COLGALT2: variants seen among roughly 807,000 people sequenced by gnomAD.
COLGALT2 encodes the protein procollagen galactosyltransferase 2.
In COLGALT2, 49 loss-of-function variants were observed where a neutral mutation model predicts 73.4. The ratio of observed to expected loss-of-function variants is 0.67; its 90% CI spans 0.53 to 0.85. COLGALT2 has a LOEUF of 0.85. Ranked by LOEUF, COLGALT2 falls within the 40% of genes least tolerant of loss-of-function variation. The pLI, the probability that COLGALT2 is intolerant of heterozygous loss-of-function variation, is 0.00. For missense variants in COLGALT2, 722 were observed against 790.2 expected, an observed-to-expected ratio of 0.91 and a Z score of 1.03; for synonymous variants, 295 against 307.6, an observed-to-expected ratio of 0.96 and a Z score of 0.43.
chr1:183,957,281 C>A (rs1670578364), intron 6 of COLGALT2, among the ~76,000 whole-genome samples: 1 of 152,118 alleles, frequency 6.6e-6, no homozygotes, highest in South Asian at 2.1e-4. Context: ...AAATAACTTG[C>A]CCAAGATCAC....
At chr1:183,988,850 G>T (rs967872543) in intron 1 of COLGALT2, among the ~76,000 whole-genome samples, 1 of 152,036 alleles carries the variant, frequency 6.6e-6, no homozygotes, top group African/African-American at 2.4e-5. Context: ...CCTGAGTACG[G>T]CTGCTCAAAT....
At chr1:183,946,263 T>G (rs1670246561) in intron 8 of COLGALT2, 1 of 152,210 alleles carries the variant, frequency 6.6e-6, no homozygotes, top group Admixed American at 6.5e-5. Context: ...TTGAGAAGCA[T>G]TATCAGCTGA....
chr1:183,951,603 C>CA (rs1311388121), intron 7 of COLGALT2, among the ~76,000 whole-genome samples: 2 of 151,338 alleles, frequency 1.3e-5, no homozygotes, highest in African/African-American at 4.9e-5. Flanking sequence ...ATAGTAACTA[C>CA]AAAAAAATTT....
At position 183,954,750 on chromosome 1, in the gene COLGALT2, C is replaced by A; in HGVS notation, c.1029+12G>T. On this transcript the variant is annotated intron_variant, in intron 7 of 11. Coordinates refer to ENST00000361927, the MANE Select transcript of COLGALT2 (RefSeq NM_015101.4). ...GCGTGCATGTGCACACACATATAGA[C>A]ACCTTTCCTACCTCATCAAATCCCA... 6.2e-7 allele frequency: 1 copy of A among 1,601,182 alleles called. No homozygotes were observed. Among genetic ancestry groups the A allele is most frequent in the Non-Finnish European group, 8.6e-7 (1 of 1,168,570 alleles).
rs1669998472 is a variant in COLGALT2, at chr1:183,937,823, G to A, written c.*938C>T. The A allele has an allele frequency of 1.0e-6, 1 of 985,312 alleles. No individual in the cohort carries two copies. The highest frequency in any genetic ancestry group is 1.7e-5 in the African/African-American group (1 of 57,240). The allele number at this position is 985,312 out of a possible 1,614,324, so 61.0% of individuals were successfully genotyped here. On this transcript the variant is annotated 3_prime_UTR_variant, in exon 12 of 12. Transcript: ENST00000361927. Reference sequence around the variant, plus strand: ...AGGATAGTTGCTGGCCTGAAAATGTGCTCTGTCTCTTAGCAGTGACTCACA... The same window carrying A: ...AGGATAGTTGCTGGCCTGAAAATGTACTCTGTCTCTTAGCAGTGACTCACA...
At chr1:184,035,156 T>C (rs1057308948) in intron 1 of COLGALT2, among the ~76,000 whole-genome samples, 1 of 152,108 alleles carries the variant, frequency 6.6e-6, no homozygotes, top group Non-Finnish European at 1.5e-5. Flanking sequence ...CCAGTGTCCA[T>C]ACCATCTGGA....
chr1:183,947,764 G>C (rs1224418682), intron 8 of COLGALT2, among the ~76,000 whole-genome samples: 1 of 151,990 alleles, frequency 6.6e-6, no homozygotes, highest in African/African-American at 2.4e-5. Context: ...AAATGAACTA[G>C]AGAATAGAAA....
intron 1 of COLGALT2, among the ~76,000 whole-genome samples, chr1:183,994,007 C>T (rs1443647286): frequency 1.4e-5 from 2 of 144,504 alleles, no homozygotes; most frequent in Non-Finnish European, 3.0e-5. Context: ...ATAAGTCACA[C>T]TCATTTTCTC....
At chr1:184,024,046 G>C (rs1649255412) in intron 1 of COLGALT2, among the ~76,000 whole-genome samples, 1 of 152,046 alleles carries the variant, frequency 6.6e-6, no homozygotes, top group Admixed American at 6.6e-5. Context: ...TAAAAATAAA[G>C]GAAAAAAGCT....
In COLGALT2 at chr1:183,944,067, T is replaced by C. The variant is rs187233219; in HGVS notation, c.1397+129A>G. 33 of 1,123,526 alleles carry C rather than the reference T, an allele frequency of 2.9e-5. No homozygotes were observed. The African/African-American group carries it at 3.5e-4, about 12-fold the overall frequency. The allele number at this position is 1,123,526 out of a possible 1,614,324, so 69.6% of individuals were successfully genotyped here. A position where few individuals can be genotyped will look rare whatever the true frequency, so the allele number is the denominator to read the frequency against. On this transcript the variant is annotated intron_variant, in intron 10 of 11. Coordinates refer to ENST00000361927, the MANE Select transcript of COLGALT2 (RefSeq NM_015101.4). ...CCATTTTTATTTCTGAGAACATTTA[T>C]GGAAAGAAAACTAGATAAGTGGAAG...
chr1:183,945,571 C>T lies in COLGALT2; in HGVS notation c.1137-7G>A. 1 of 1,613,750 alleles carries T rather than the reference C, an allele frequency of 6.2e-7. No individual in the cohort carries two copies. The highest frequency in any genetic ancestry group is 1.1e-5 in the South Asian group (1 of 91,012). On this transcript the variant is annotated splice_polypyrimidine_tract_variant and splice_region_variant and intron_variant, in intron 8 of 11. Transcript: ENST00000361927. ...CTGGCTTGTGTTGAGTGCCCTGCAT[C>T]ACATAAAACACGTCTGGAGATTAAC...
At position 183,975,161 on chromosome 1, in the gene COLGALT2, T is replaced by C. The variant is rs755823101; in HGVS notation, c.428A>G (p.His143Arg). Residue 143 changes from histidine (H) to arginine (R), a missense_variant, in exon 3 of 12, where the codon CAT (histidine) becomes CGT (arginine). Physicochemically the swap from His to Arg is conservative, Grantham distance 29 (BLOSUM62 0). Transcript: ENST00000361927. ...PKHWPTSRFAHVMKLRQAALR... is the reference protein window; with the variant it reads ...PKHWPTSRFARVMKLRQAALR... ...GGCTGCCTGTCGTAGTTTCATCACA[T>C]GGGCAAACCGGGAGGTTGGCCAGTG... 3 of 1,614,168 alleles carry C rather than the reference T, an allele frequency of 1.9e-6. No individual in the cohort carries two copies. Among genetic ancestry groups the C allele is most frequent in the Non-Finnish European group, 1.7e-6 (2 of 1,180,020 alleles).
intron 4 of COLGALT2, among the ~76,000 whole-genome samples, chr1:183,970,258 A>C (rs1300447819): frequency 6.6e-6 from 1 of 152,226 alleles, no homozygotes; most frequent in Non-Finnish European, 1.5e-5. Context: ...ATTTCCAGAA[A>C]AGATGAAGAT....
At chr1:183,945,593 T>G (rs1348206350) in intron 8 of COLGALT2, 29 bp from the exon 9 acceptor site, 1 of 1,612,208 alleles carries the variant, frequency 6.2e-7, no homozygotes, top group South Asian at 1.1e-5. Flanking sequence ...GTCTGGAGAT[T>G]AACAAGTCAA....
intron 1 of COLGALT2, among the ~76,000 whole-genome samples, chr1:184,024,874 T>C (rs777681264): frequency 6.6e-6 from 1 of 152,174 alleles, no homozygotes; most frequent in Non-Finnish European, 1.5e-5. Context: ...TTTGATAAGA[T>C]GCATGGGAAA....
chr1:183,966,156 T>A (rs1393315520), intron 5 of COLGALT2, among the ~76,000 whole-genome samples: 1 of 152,194 alleles, frequency 6.6e-6, no homozygotes, highest in East Asian at 1.9e-4. Context: ...CATGGGGAAC[T>A]ATATGAATAC....
chr1:184,003,719 C>A (rs2102840947), intron 1 of COLGALT2, among the ~76,000 whole-genome samples: 1 of 152,280 alleles, frequency 6.6e-6, no homozygotes, highest in East Asian at 1.9e-4. Flanking sequence ...AGTTATTCTT[C>A]ACTGTTTGCT....
downstream of COLGALT2, among the ~76,000 whole-genome samples, chr1:183,932,244 C>T (rs1323255839): frequency 6.6e-6 from 1 of 152,118 alleles, no homozygotes; most frequent in Non-Finnish European, 1.5e-5. Flanking sequence ...GGTCTGACTC[C>T]CAGGCCACTT....
In COLGALT2 at chr1:183,936,920, G is replaced by C. The variant is rs1007438765; in HGVS notation, c.*1841C>G. 1.2e-5 allele frequency: 15 copies of C among 1,231,674 alleles called. No individual in the cohort carries two copies. Among genetic ancestry groups the C allele is most frequent in the Non-Finnish European group, 1.0e-5 (10 of 988,030 alleles). 76.3% of individuals were successfully genotyped at this position (1,231,674 alleles called of 1,614,324 possible). A position where few individuals can be genotyped will look rare whatever the true frequency, so the allele number is the denominator to read the frequency against. ...TCTGGTGGAAGGCAAGCTGCCTCTT[G>C]TCCTAAAGTGGGGACCCGCCCCTCA... On this transcript the variant is annotated 3_prime_UTR_variant, in exon 12 of 12. Coordinates refer to ENST00000361927, the MANE Select transcript of COLGALT2 (RefSeq NM_015101.4).
Sources: gnomAD v4.1 joint callset for allele counts (sites outside exome capture counted in the v4.1 genomes callset) on GRCh38, gnomAD v4.1.1 for gene constraint, MANE v1.5 for transcripts, NCBI Gene and HGNC (gene_info 2026-07-23, HGNC 2026-07-21) for gene names.